Variants in ANKRD33B observed in about 807,000 individuals in gnomAD.
ANKRD33B encodes the protein ankyrin repeat domain-containing protein 33B.
In ANKRD33B, 6 loss-of-function variants were observed where a neutral mutation model predicts 21.5. That is an observed-to-expected ratio of 0.28 (90% CI 0.15 to 0.55). The LOEUF is 0.55. Ranked by LOEUF, ANKRD33B falls within the 20% of genes least tolerant of loss-of-function variation. The pLI is 0.94. For synonymous variants in ANKRD33B, 347 were observed against 342.4 expected (o/e 1.01, Z -0.15); for missense variants, 698 against 747.2 (o/e 0.93, Z 0.77).
Position 10,638,172 on chromosome 5 carries a change from T to C in ANKRD33B, c.637+4T>C. ...ATCCGAGCCCTGATGCTAGCAGGTATGTCCACCTGTCCTGTGCAGCTTCCA... is the reference window on the plus strand; with the variant it reads ...ATCCGAGCCCTGATGCTAGCAGGTACGTCCACCTGTCCTGTGCAGCTTCCA... On this transcript the variant is annotated splice_donor_region_variant and intron_variant, in intron 3 of 3. Coordinates refer to ENST00000296657, the MANE Select transcript of ANKRD33B (RefSeq NM_001164440.2). 5 of 1,537,336 alleles carry C rather than the reference T, an allele frequency of 3.3e-6. No individual in the cohort carries two copies. The highest frequency in any genetic ancestry group is 1.4e-5 in the African/African-American group (1 of 73,162).
At chr5:10,598,877 A>T (rs1735873000) in intron 1 of ANKRD33B, among the ~76,000 whole-genome samples, 1 of 152,200 alleles carries the variant, frequency 6.6e-6, no homozygotes, top group Non-Finnish European at 1.5e-5. Context: ...ACACAGAGAA[A>T]TCCTGTCTTA....
intron 1 of ANKRD33B, among the ~76,000 whole-genome samples, chr5:10,566,878 A>G (rs1414963677): frequency 6.6e-6 from 1 of 152,222 alleles, no homozygotes; most frequent in African/African-American, 2.4e-5. Context: ...AGGCTCTGGG[A>G]AGGCCTGGCC....
Position 10,570,191 on chromosome 5 carries a change from A to G in ANKRD33B, c.366+5358A>G, listed in dbSNP as rs966884612. Among the ~76,000 whole-genome samples, 6 of 152,158 alleles carry G rather than the reference A, an allele frequency of 3.9e-5. No individual in the cohort carries two copies. In the East Asian group the frequency reaches 7.7e-4, roughly 20 times the overall value. On this transcript the variant is annotated intron_variant, in intron 1 of 3. Transcript: ENST00000296657. The stretch of plus-strand genomic sequence containing the variant: ...TGCACCCAGCCCCCATGTGTTTTTG[A>G]TATAAGAATGTCAGTCATCTGTGGC...
At chr5:10,623,425 A>G (rs1408609597) in intron 2 of ANKRD33B, among the ~76,000 whole-genome samples, 2 of 152,146 alleles carry the variant, frequency 1.3e-5, no homozygotes, top group Non-Finnish European at 2.9e-5. Flanking sequence ...TTGGTCACAG[A>G]TGGTGTCTTC....
In ANKRD33B at chr5:10,650,562, A is replaced by AT. The variant is rs1303694184; in HGVS notation, c.*450dup. ...ATACTGTTTCTAGCAATAAGTATCC[A>AT]TGATACCTGTATGAGTTCACACAGA... On this transcript the variant is annotated 3_prime_UTR_variant, in exon 4 of 4. Coordinates refer to ENST00000296657, the MANE Select transcript of ANKRD33B (RefSeq NM_001164440.2). The AT allele has an allele frequency of 3.3e-5, 5 of 152,868 alleles. No individual in the cohort carries two copies. Among genetic ancestry groups the AT allele is most frequent in the African/African-American group, 1.2e-4 (5 of 41,484 alleles). 9.5% of individuals were successfully genotyped at this position (152,868 alleles called of 1,614,324 possible). A position where few individuals can be genotyped will look rare whatever the true frequency, so the allele number is the denominator to read the frequency against.
In ANKRD33B at chr5:10,640,018, GCGGCGA is replaced by G. The variant is rs1560985526; in HGVS notation, c.637+1851_637+1856del. ...ATGTTAGCGGGTGACGTGGAGTTGC[GCGGCGA>G]TGTTAGCGGGTGACGTGGAGTTGCA... On this transcript the variant is annotated intron_variant, in intron 3 of 3. Transcript: ENST00000296657. Among the ~76,000 whole-genome samples the G allele has an allele frequency of 1.4e-3, 126 of 87,458 alleles. 3 individuals carry two copies. Among genetic ancestry groups the G allele is most frequent in the Admixed American group, 0.011 (92 of 8,542 alleles). The allele number at this position is 87,458 out of a possible 152,430, so 57.4% of individuals were successfully genotyped here. A position where few individuals can be genotyped will look rare whatever the true frequency, so the allele number is the denominator to read the frequency against.
intron 1 of ANKRD33B, among the ~76,000 whole-genome samples, chr5:10,604,545 A>G (rs1231142676): frequency 6.6e-6 from 1 of 151,586 alleles, no homozygotes; most frequent in Non-Finnish European, 1.5e-5. Flanking sequence ...AGAAAAATAT[A>G]GCACTCTCCT....
chr5:10,592,601 T>G, intron 1 of ANKRD33B, among the ~76,000 whole-genome samples: 1 of 146,214 alleles, frequency 6.8e-6, no homozygotes, highest in Admixed American at 7.0e-5. Flanking sequence ...CACTCCAGCC[T>G]GGGCAACAGA....
At chr5:10,629,853 G>A (rs1736665138) in intron 2 of ANKRD33B, among the ~76,000 whole-genome samples, 2 of 152,186 alleles carry the variant, frequency 1.3e-5, no homozygotes, top group Admixed American at 1.3e-4. Flanking sequence ...AAAGAGAGGA[G>A]TGAGTGGGAA....
chr5:10,648,469 C>T (rs1018985682), intron 3 of ANKRD33B, among the ~76,000 whole-genome samples: 8 of 152,348 alleles, frequency 5.3e-5, no homozygotes, highest in Non-Finnish European at 8.8e-5. Flanking sequence ...TTAAAAAATT[C>T]TGTAATTTGG....
chr5:10,596,738 A>G (rs1184132870), intron 1 of ANKRD33B, among the ~76,000 whole-genome samples: 1 of 152,170 alleles, frequency 6.6e-6, no homozygotes, highest in Non-Finnish European at 1.5e-5. Flanking sequence ...CCCAAGACAC[A>G]TCATCATCAG....
Position 10,591,214 on chromosome 5 carries a change from A to G in ANKRD33B, c.366+26381A>G, listed in dbSNP as rs1317255144. On this transcript the variant is annotated intron_variant, in intron 1 of 3. Coordinates refer to ENST00000296657, the MANE Select transcript of ANKRD33B (RefSeq NM_001164440.2). ...TTAGTGGTTTTTTTTTTTTTTTGAG[A>G]TGGAGTCTCATTCGGTTGCCCAGGC... 3.1e-4 allele frequency among the ~76,000 whole-genome samples: 9 copies of G among 28,822 alleles called. No individual in the cohort carries two copies. In the South Asian group the frequency reaches 3.3e-3, roughly 10 times the overall value. 18.9% of individuals were successfully genotyped at this position (28,822 alleles called of 152,430 possible). A position where few individuals can be genotyped will look rare whatever the true frequency, so the allele number is the denominator to read the frequency against.
At chr5:10,568,478 A>C (rs887653636) in intron 1 of ANKRD33B, among the ~76,000 whole-genome samples, 16 of 152,248 alleles carry the variant, frequency 1.1e-4, no homozygotes, top group African/African-American at 3.9e-4. Context: ...AATTAGGCCC[A>C]AATACATGCT....
chr5:10,599,602 A>G (rs1735888699), intron 1 of ANKRD33B, among the ~76,000 whole-genome samples: 1 of 152,112 alleles, frequency 6.6e-6, no homozygotes, highest in Non-Finnish European at 1.5e-5. Flanking sequence ...CTTTTTGTAT[A>G]TGGGTAATAT....
At chr5:10,649,216 A>G in intron 3 of ANKRD33B, 50 bp from the exon 4 acceptor site, 2 of 1,480,026 alleles carry the variant, frequency 1.4e-6, no homozygotes, top group South Asian at 1.3e-5. Flanking sequence ...CTGGGAGGGA[A>G]GAGTCCTTGT....
In ANKRD33B at chr5:10,567,147, C is replaced by T. The variant is rs191551948; in HGVS notation, c.366+2314C>T. Among the ~76,000 whole-genome samples, 177 of 152,270 alleles carry T rather than the reference C, an allele frequency of 1.2e-3. 1 individual carries two copies. The highest frequency in any genetic ancestry group is 1.0e-3 in the Non-Finnish European group (70 of 68,024). ...TGGACTCTTTCATCTTTGGATCAGA[C>T]GGAGCAGGGCTTGTGTTCTGTGCTT... is the stretch of plus-strand genomic sequence containing the variant. On this transcript the variant is annotated intron_variant, in intron 1 of 3. Coordinates refer to ENST00000296657, the MANE Select transcript of ANKRD33B (RefSeq NM_001164440.2).
chr5:10,649,254 T>G lies in ANKRD33B; in HGVS notation c.638-12T>G. 1 of 1,510,940 alleles carries G rather than the reference T, an allele frequency of 6.6e-7. No individual in the cohort carries two copies. 93.6% of individuals were successfully genotyped at this position (1,510,940 alleles called of 1,614,324 possible). A position where few individuals can be genotyped will look rare whatever the true frequency, so the allele number is the denominator to read the frequency against. ...CCGCCACCCACTTCTGTTTGTGTTT[T>G]GCGTTTTGCAGGGGCGGATGTCCAC... On this transcript the variant is annotated splice_polypyrimidine_tract_variant and intron_variant, in intron 3 of 3. Coordinates refer to ENST00000296657, the MANE Select transcript of ANKRD33B (RefSeq NM_001164440.2).
intron 2 of ANKRD33B, among the ~76,000 whole-genome samples, chr5:10,633,192 C>T (rs1161990120): frequency 6.6e-6 from 1 of 150,888 alleles, no homozygotes; most frequent in South Asian, 2.1e-4. Context: ...ACCTCCACCT[C>T]CTGGGTTCAA....
chr5:10,633,587 C>T (rs1380318118), intron 2 of ANKRD33B, among the ~76,000 whole-genome samples: 2 of 152,170 alleles, frequency 1.3e-5, no homozygotes, highest in African/African-American at 4.8e-5. Context: ...AACTGAAGTC[C>T]GTTCTTTATT....
Sources: gnomAD v4.1 joint callset for allele counts (sites outside exome capture counted in the v4.1 genomes callset) on GRCh38, gnomAD v4.1.1 for gene constraint, MANE v1.5 for transcripts, NCBI Gene and HGNC (gene_info 2026-07-23, HGNC 2026-07-21) for gene names.